The following DGKB variants were observed in gnomAD, a reference collection of about 807,000 sequenced individuals.
DGKB encodes 90 kDa diacylglycerol kinase.
DGKB carries 67 observed loss-of-function variants against 114.3 expected under a neutral mutation model. The observed-to-expected ratio is 0.59, with a 90% CI of 0.48 to 0.72. The LOEUF is 0.72. DGKB is among the 30% of genes least tolerant of loss of function. The pLI is 0.00. For missense variants in DGKB, 907 were observed against 975.2 expected, an observed-to-expected ratio of 0.93 and a Z score of 0.93; for synonymous variants, 398 against 323.1, an observed-to-expected ratio of 1.23 and a Z score of -2.49.
chr7:14,834,918 T>A (rs1004804676), intron 2 of DGKB, among the ~76,000 whole-genome samples: 1 of 152,160 alleles, frequency 6.6e-6, no homozygotes, highest in Admixed American at 6.5e-5. Flanking sequence ...AGTTACTTTT[T>A]TCTTTTACTA....
intron 2 of DGKB, among the ~76,000 whole-genome samples, chr7:14,811,707 A>T (rs11972669): frequency 0.41 from 62,473 of 151,764 alleles, 14,619 homozygotes; most frequent in African/African-American, 0.64. Context: ...AGCTGATCAT[A>T]TTTATCCTGT....
At chr7:14,648,680 G>T (rs1408241305) in intron 13 of DGKB, among the ~76,000 whole-genome samples, 6 of 151,772 alleles carry the variant, frequency 4.0e-5, no homozygotes, top group African/African-American at 1.5e-4. Context: ...GAAGGCTTCA[G>T]TCGATCAAAT....
chr7:14,523,553 A>G (rs923621945), intron 20 of DGKB, among the ~76,000 whole-genome samples: 60 of 152,290 alleles, frequency 3.9e-4, no homozygotes, highest in African/African-American at 1.4e-3. Context: ...TTATACTCCA[A>G]TCAAGGCCAC....
At chr7:14,651,033 A>G (rs1814354069) in intron 13 of DGKB, among the ~76,000 whole-genome samples, 1 of 152,198 alleles carries the variant, frequency 6.6e-6, no homozygotes, top group South Asian at 2.1e-4. Flanking sequence ...AGAGTCCAGC[A>G]CCAGATGGAT....
At chr7:14,750,603 C>T (rs969628598) in intron 4 of DGKB, among the ~76,000 whole-genome samples, 10 of 151,948 alleles carry the variant, frequency 6.6e-5, no homozygotes, top group African/African-American at 2.4e-4. Flanking sequence ...GTCCATGCCC[C>T]ACATTGCTAC....
intron 5 of DGKB, among the ~76,000 whole-genome samples, chr7:14,725,162 T>A (rs1829831473): frequency 6.6e-6 from 1 of 152,168 alleles, no homozygotes; most frequent in African/African-American, 2.4e-5. Context: ...AGAGCAAGAT[T>A]CTGTCTCTTG....
intron 21 of DGKB, among the ~76,000 whole-genome samples, chr7:14,371,117 C>A (rs955275944): frequency 6.6e-6 from 1 of 152,130 alleles, no homozygotes; most frequent in Non-Finnish European, 1.5e-5. Context: ...GTGAATAGTG[C>A]TACAACGAAC....
chr7:14,202,740 G>C (rs900804178), intron 23 of DGKB, among the ~76,000 whole-genome samples: 18 of 151,980 alleles, frequency 1.2e-4, no homozygotes, highest in African/African-American at 4.3e-4. Flanking sequence ...CTTTGAAACA[G>C]AAGTTGTCAG....
chr7:14,711,801 T>C (rs1323758998), intron 6 of DGKB, among the ~76,000 whole-genome samples: 1 of 152,058 alleles, frequency 6.6e-6, no homozygotes, highest in Non-Finnish European at 1.5e-5. Context: ...AAAAGTGAAA[T>C]GAAAGGAATT....
At chr7:14,204,487 A>G (rs889872372) in intron 23 of DGKB, among the ~76,000 whole-genome samples, 16 of 152,004 alleles carry the variant, frequency 1.1e-4, no homozygotes, top group Non-Finnish European at 2.1e-4. Flanking sequence ...CCATACTTTA[A>G]TCCATTAGAT....
chr7:14,766,848 A>C (rs1836531928), intron 2 of DGKB, among the ~76,000 whole-genome samples: 1 of 151,862 alleles, frequency 6.6e-6, no homozygotes, highest in Non-Finnish European at 1.5e-5. Flanking sequence ...ACCAGGAAAA[A>C]TAATGTATCC....
At chr7:14,702,247 A>AAGTGG (rs1222072827) in intron 6 of DGKB, among the ~76,000 whole-genome samples, 1 of 152,168 alleles carries the variant, frequency 6.6e-6, no homozygotes, top group African/African-American at 2.4e-5. Flanking sequence ...GATAGACACA[A>AAGTGG]AAGTGAATGT....
intron 23 of DGKB, among the ~76,000 whole-genome samples, chr7:14,293,467 T>C (rs1006169097): frequency 6.6e-6 from 1 of 152,184 alleles, no homozygotes; most frequent in South Asian, 2.1e-4. Flanking sequence ...TTATTCTCCA[T>C]ATGTTATGCC....
chr7:14,444,368 A>T (rs1830459551), intron 21 of DGKB, among the ~76,000 whole-genome samples: 1 of 151,688 alleles, frequency 6.6e-6, no homozygotes, highest in African/African-American at 2.4e-5. Context: ...GTAAATTTTC[A>T]CTTAATATTA....
chr7:14,668,956 T>C (rs1289427304), intron 13 of DGKB, among the ~76,000 whole-genome samples: 1 of 152,122 alleles, frequency 6.6e-6, no homozygotes, highest in Non-Finnish European at 1.5e-5. Context: ...TAAAGAAATA[T>C]ATTCATCCAA....
chr7:14,157,613 A>G (rs1409963005), intron 25 of DGKB, among the ~76,000 whole-genome samples: 1 of 152,198 alleles, frequency 6.6e-6, no homozygotes, highest in Non-Finnish European at 1.5e-5. Flanking sequence ...GCCACATTGC[A>G]TGGGAAATAT....
intron 13 of DGKB, among the ~76,000 whole-genome samples, chr7:14,642,316 G>A (rs1480263960): frequency 6.6e-6 from 1 of 151,978 alleles, no homozygotes; most frequent in Non-Finnish European, 1.5e-5. Flanking sequence ...AAAACTTTAT[G>A]TATGGCATTC....
At chr7:14,708,875 T>C (rs1290029134) in intron 6 of DGKB, among the ~76,000 whole-genome samples, 1 of 150,948 alleles carries the variant, frequency 6.6e-6, no homozygotes, top group Non-Finnish European at 1.5e-5. Flanking sequence ...AAAGAAAACC[T>C]AGGCTTTACC....
At chr7:14,613,728 G>C (rs546219880) in intron 15 of DGKB, among the ~76,000 whole-genome samples, 1 of 152,058 alleles carries the variant, frequency 6.6e-6, no homozygotes, top group Admixed American at 6.6e-5. Context: ...ACGATTTTCA[G>C]ACAGTAAGTG....
Sources: gnomAD v4.1 joint callset for allele counts (sites outside exome capture counted in the v4.1 genomes callset) on GRCh38, gnomAD v4.1.1 for gene constraint, MANE v1.5 for transcripts, NCBI Gene and HGNC (gene_info 2026-07-23, HGNC 2026-07-21) for gene names.